The following THRB variants were observed in gnomAD, a reference collection of about 807,000 sequenced individuals.
The protein encoded by THRB is thyroid hormone receptor beta, also known as nuclear receptor subfamily 1 group A member 2.
Under a neutral mutation model 47.8 loss-of-function variants are expected in THRB, and 12 were observed. The observed-to-expected ratio is 0.25, with a 90% confidence interval of 0.16 to 0.41. The LOEUF is 0.41. Among genes scored for constraint, THRB ranks in the 10% least tolerant of loss-of-function variants. The probability of loss-of-function intolerance (pLI) is 1.00; values close to 1 mark genes in which losing one functional copy is unlikely to be tolerated. For missense variants in THRB, 348 were observed against 589.2 expected, an observed-to-expected ratio of 0.59 and a Z score of 4.24; for synonymous variants, 218 against 212.2, an observed-to-expected ratio of 1.03 and a Z score of -0.24.
intron 3 of THRB, among the ~76,000 whole-genome samples, chr3:24,275,553 G>A (rs2053830962): frequency 6.6e-6 from 1 of 152,212 alleles, no homozygotes; most frequent in African/African-American, 2.4e-5. Flanking sequence ...ATGGTTTGGA[G>A]AGCCATGTTT....
chr3:24,479,154 T>C lies in THRB; in HGVS notation c.-261+15498A>G, dbSNP rs1046712963. Among the ~76,000 whole-genome samples, 5 of 152,000 alleles carry C rather than the reference T, an allele frequency of 3.3e-5. No individual in the cohort carries two copies. In the South Asian group the frequency reaches 1.0e-3, roughly 32 times the overall value. On this transcript the variant is annotated intron_variant, in intron 1 of 10. Coordinates refer to ENST00000646209, the MANE Select transcript of THRB (RefSeq NM_001354712.2). ...TCTATTAAAAATACAAAAAAAAAAT[T>C]TGCCTGGCGTGGTGGTGGGCGCCTG...
intron 1 of THRB, among the ~76,000 whole-genome samples, chr3:24,471,953 T>C (rs1489709154): frequency 6.6e-6 from 1 of 152,194 alleles, no homozygotes; most frequent in Admixed American, 6.5e-5. Context: ...ACCAGAAGAA[T>C]ATGGCCTGGA....
At chr3:24,334,660 C>A (rs1449779165) in intron 2 of THRB, among the ~76,000 whole-genome samples, 2 of 152,194 alleles carry the variant, frequency 1.3e-5, no homozygotes, top group Admixed American at 1.3e-4. Flanking sequence ...AGCTTATTTT[C>A]ATCTTTCCTC....
intron 6 of THRB, among the ~76,000 whole-genome samples, chr3:24,148,796 G>A (rs2036493856): frequency 6.6e-6 from 1 of 152,194 alleles, no homozygotes; most frequent in Non-Finnish European, 1.5e-5. Flanking sequence ...ATTGGGCAAA[G>A]CAGAATAAAA....
chr3:24,338,568 C>T lies in THRB; in HGVS notation c.-260-1197G>A, dbSNP rs150615377. 4.3e-3 allele frequency among the ~76,000 whole-genome samples: 648 copies of T among 152,238 alleles called. 6 individuals are homozygous for T. The highest frequency in any genetic ancestry group is 0.014 in the African/African-American group (589 of 41,536). ...TGTTGGCTTTTCACCCAATATCCAA[C>T]GTTTATGGCTACATAAAAGCCCTTG... On this transcript the variant is annotated intron_variant, in intron 1 of 10. Coordinates refer to ENST00000646209, the MANE Select transcript of THRB (RefSeq NM_001354712.2).
intron 9 of THRB, among the ~76,000 whole-genome samples, chr3:24,129,351 T>C (rs1410226217): frequency 6.6e-6 from 1 of 152,242 alleles, no homozygotes. Context: ...TGAGAACCAC[T>C]AGCATAGAAC....
chr3:24,459,615 T>C (rs1209878923), intron 1 of THRB, among the ~76,000 whole-genome samples: 1 of 152,190 alleles, frequency 6.6e-6, no homozygotes, highest in Non-Finnish European at 1.5e-5. Flanking sequence ...CCACATCCTC[T>C]CTAGCATCTG....
intron 2 of THRB, among the ~76,000 whole-genome samples, chr3:24,313,863 T>A (rs2057931319): frequency 6.6e-6 from 1 of 152,168 alleles, no homozygotes; most frequent in Non-Finnish European, 1.5e-5. Context: ...TTCAGAAATA[T>A]AAATCTGATG....
rs144221634 is a variant in THRB, at chr3:24,226,388, A to G, written c.22+2550T>C. 2.5e-3 allele frequency among the ~76,000 whole-genome samples: 379 copies of G among 152,340 alleles called. 2 individuals carry two copies. Among genetic ancestry groups the G allele is most frequent in the African/African-American group, 8.5e-3 (355 of 41,578 alleles). ...AAAAGAACATTGTTTTATCTCATACACAAACAAGGGCATCTAAAGTAATGA... is the reference window on the plus strand; with the variant it reads ...AAAAGAACATTGTTTTATCTCATACGCAAACAAGGGCATCTAAAGTAATGA... On this transcript the variant is annotated intron_variant, in intron 4 of 10. Transcript: ENST00000646209.
At position 24,321,405 on chromosome 3, in the gene THRB, C is replaced by T. The variant is rs762681949; in HGVS notation, c.-189+15895G>A. ...GAAAGAATAGTACTAATTTTTTTTA[C>T]AGTTATCTTTTGCTTTTAATAAATG... On this transcript the variant is annotated intron_variant, in intron 2 of 10. Transcript: ENST00000646209. Among the ~76,000 whole-genome samples the T allele has an allele frequency of 1.2e-4, 19 of 152,140 alleles. No individual in the cohort carries two copies. In the Middle Eastern group the frequency reaches 0.014, roughly 109 times the overall value.
chr3:24,124,231 C>T (rs924949467), intron 10 of THRB, among the ~76,000 whole-genome samples: 1 of 152,178 alleles, frequency 6.6e-6, no homozygotes, highest in Non-Finnish European at 1.5e-5. Flanking sequence ...AACAAACTAA[C>T]AAACCATATG....
intron 3 of THRB, among the ~76,000 whole-genome samples, chr3:24,286,873 C>CA: frequency 6.6e-6 from 1 of 152,178 alleles, no homozygotes; most frequent in East Asian, 1.9e-4. Flanking sequence ...TTAGCCTGGG[C>CA]GGCATGGGGT....
intron 3 of THRB, among the ~76,000 whole-genome samples, chr3:24,277,588 C>G (rs1257583987): frequency 6.6e-6 from 1 of 152,128 alleles, no homozygotes; most frequent in Non-Finnish European, 1.5e-5. Flanking sequence ...TATTCCCTCT[C>G]AAATCTAAAA....
At chr3:24,233,983 G>A (rs1166922413) in intron 3 of THRB, among the ~76,000 whole-genome samples, 1 of 152,208 alleles carries the variant, frequency 6.6e-6, no homozygotes, top group East Asian at 1.9e-4. Flanking sequence ...CTCAGGGCAT[G>A]TTAAGCCTCT....
At chr3:24,267,151 A>G (rs2052747006) in intron 3 of THRB, among the ~76,000 whole-genome samples, 4 of 152,160 alleles carry the variant, frequency 2.6e-5, no homozygotes, top group Admixed American at 2.6e-4. Context: ...AGTTACAGAA[A>G]TAAAACTATT....
intron 1 of THRB, among the ~76,000 whole-genome samples, chr3:24,415,909 C>T (rs1397204867): frequency 6.6e-6 from 1 of 151,688 alleles, no homozygotes; most frequent in Non-Finnish European, 1.5e-5. Context: ...TTTTGTATGA[C>T]GGACCCAGTT....
chr3:24,491,691 C>G (rs1698165578), intron 1 of THRB, among the ~76,000 whole-genome samples: 1 of 152,194 alleles, frequency 6.6e-6, no homozygotes, highest in South Asian at 2.1e-4. Flanking sequence ...CCACTTAGGG[C>G]TGCCATTGCC....
intron 4 of THRB, among the ~76,000 whole-genome samples, chr3:24,228,159 T>C (rs1342061506): frequency 6.6e-6 from 1 of 152,144 alleles, no homozygotes; most frequent in East Asian, 1.9e-4. Flanking sequence ...TGTTTACTTG[T>C]TTTTCCTTTT....
intron 4 of THRB, 132 bp downstream of exon 4, chr3:24,228,806 A>T (rs1468382073): frequency 4.0e-5 from 33 of 832,030 alleles, no homozygotes; most frequent in Non-Finnish European, 2.0e-6. Flanking sequence ...TATTCACAGG[A>T]TTTAATAACA....
Sources: allele counts gnomAD v4.1 joint callset (sites outside exome capture counted in the v4.1 genomes callset), GRCh38; gene constraint gnomAD v4.1.1; transcripts MANE v1.5; gene names NCBI Gene and HGNC (gene_info 2026-07-23, HGNC 2026-07-21).